NUAK1: variants seen among roughly 807,000 people sequenced by gnomAD.
The protein encoded by NUAK1 is NUAK family SNF1-like kinase 1.
In NUAK1, 26 loss-of-function variants were observed where a neutral mutation model predicts 56.9. That is an observed-to-expected ratio of 0.46 (90% CI 0.33 to 0.63). NUAK1 has a LOEUF of 0.63. Among genes scored for constraint, NUAK1 ranks in the 30% least tolerant of loss-of-function variants. The probability of loss-of-function intolerance (pLI) is 0.02; values close to 1 mark genes in which losing one functional copy is unlikely to be tolerated. For missense variants in NUAK1, 727 were observed against 876.1 expected, an observed-to-expected ratio of 0.83 and a Z score of 2.15; for synonymous variants, 337 against 336.0, an observed-to-expected ratio of 1.00 and a Z score of -0.03.
chr12:106,122,030 CCT>C (rs1488285008), intron 1 of NUAK1, among the ~76,000 whole-genome samples: 2 of 152,118 alleles, frequency 1.3e-5, no homozygotes, highest in African/African-American at 4.8e-5. Context: ...TTTGCCTGTG[CCT>C]CTGTCTCCTC....
At chr12:106,089,648 G>T (rs1258439709) in intron 2 of NUAK1, among the ~76,000 whole-genome samples, 2 of 152,156 alleles carry the variant, frequency 1.3e-5, no homozygotes, top group Admixed American at 1.3e-4. Context: ...AATTAGCCGG[G>T]TGTGGTGGCA....
chr12:106,079,607 G>C, intron 4 of NUAK1, among the ~76,000 whole-genome samples: 1 of 152,194 alleles, frequency 6.6e-6, no homozygotes, highest in Non-Finnish European at 1.5e-5. Context: ...GAGAGAGCTT[G>C]GTGGATGACA....
chr12:106,113,246 T>C (rs2032883089), intron 1 of NUAK1, among the ~76,000 whole-genome samples: 2 of 152,148 alleles, frequency 1.3e-5, no homozygotes, highest in Admixed American at 6.5e-5. Flanking sequence ...CTGTTGAGGT[T>C]TGTAAACATA....
chr12:106,110,579 T>C (rs970069501), intron 1 of NUAK1, among the ~76,000 whole-genome samples: 35 of 152,272 alleles, frequency 2.3e-4, no homozygotes, highest in African/African-American at 8.4e-4. Flanking sequence ...GATTACCAAA[T>C]GTCTGAAATC....
chr12:106,137,926 G>A (rs1012939778), intron 1 of NUAK1, among the ~76,000 whole-genome samples: 1 of 152,268 alleles, frequency 6.6e-6, no homozygotes, highest in Non-Finnish European at 1.5e-5. Flanking sequence ...CAGAGTCTGA[G>A]TGGGAGGATG....
intron 4 of NUAK1, among the ~76,000 whole-genome samples, chr12:106,079,811 C>T (rs756632091): frequency 1.3e-5 from 2 of 152,216 alleles, no homozygotes; most frequent in Non-Finnish European, 2.9e-5. Flanking sequence ...TCACTGACTT[C>T]TGTATCCTCC....
At chr12:106,108,900 G>A (rs1050837499) in intron 1 of NUAK1, among the ~76,000 whole-genome samples, 1 of 152,172 alleles carries the variant, frequency 6.6e-6, no homozygotes, top group Non-Finnish European at 1.5e-5. Context: ...TCAGCTGGGT[G>A]TGAAAAGGAA....
chr12:106,138,866 C>T lies in NUAK1; in HGVS notation c.-213G>A. ...CGGCGCGCACGGTCCGCGCACCGCC[C>T]CCCGGCCGCGGCGAGCTGTGGAGCG... On this transcript the variant is annotated 5_prime_UTR_variant, in exon 1 of 7. Coordinates refer to ENST00000261402, the MANE Select transcript of NUAK1 (RefSeq NM_014840.3). This position sits in a 1 kb window ranked among gnomAD's most constrained non-coding sequence, Gnocchi z 5.0. 1.8e-6 allele frequency: 1 copy of T among 542,700 alleles called. No individual in the cohort carries two copies. The highest frequency in any genetic ancestry group is 2.8e-6 in the Non-Finnish European group (1 of 355,998). The allele number at this position is 542,700 out of a possible 1,614,324, so 33.6% of individuals were successfully genotyped here.
At chr12:106,093,617 G>A (rs547144519) in intron 2 of NUAK1, among the ~76,000 whole-genome samples, 1 of 152,264 alleles carries the variant, frequency 6.6e-6, no homozygotes, top group South Asian at 2.1e-4. Context: ...GGAGATCCTG[G>A]GATTTTAAGC....
chr12:106,126,792 C>T (rs968607472), intron 1 of NUAK1, among the ~76,000 whole-genome samples: 4 of 152,178 alleles, frequency 2.6e-5, no homozygotes, highest in African/African-American at 9.7e-5. Flanking sequence ...CCAAGCTCTC[C>T]TGGGTGCTCA....
chr12:106,112,019 G>A (rs1388175963), intron 1 of NUAK1, among the ~76,000 whole-genome samples: 1 of 151,348 alleles, frequency 6.6e-6, no homozygotes, highest in East Asian at 2.0e-4. Flanking sequence ...ATCTCCTGTA[G>A]GATCCGAAAG....
intron 1 of NUAK1, among the ~76,000 whole-genome samples, chr12:106,111,825 C>A (rs1320569504): frequency 6.6e-6 from 1 of 150,856 alleles, no homozygotes; most frequent in East Asian, 2.0e-4. Flanking sequence ...CTCATTTAAG[C>A]CTACCTACAA....
At chr12:106,120,833 C>T (rs2032966850) in intron 1 of NUAK1, among the ~76,000 whole-genome samples, 1 of 152,150 alleles carries the variant, frequency 6.6e-6, no homozygotes, top group Admixed American at 6.5e-5. Context: ...GAGGAGGGGG[C>T]TCACCTTCCT....
chr12:106,124,718 T>C (rs559821936), intron 1 of NUAK1, among the ~76,000 whole-genome samples: 3 of 152,174 alleles, frequency 2.0e-5, no homozygotes, highest in African/African-American at 7.2e-5. Context: ...TCAATAAATA[T>C]CTGTTAAATG....
At chr12:106,115,586 T>C (rs2136476789) in intron 1 of NUAK1, among the ~76,000 whole-genome samples, 1 of 152,248 alleles carries the variant, frequency 6.6e-6, no homozygotes, top group Admixed American at 6.5e-5. Context: ...ATTCCTAGAG[T>C]TAAAAGGCTG....
chr12:106,137,029 GCCA>G, intron 1 of NUAK1, among the ~76,000 whole-genome samples: 1 of 151,686 alleles, frequency 6.6e-6, no homozygotes, highest in Non-Finnish European at 1.5e-5. Flanking sequence ...AGAAATGTAC[GCCA>G]TCTCAAATTT....
At chr12:106,088,261 T>A (rs1202735125) in intron 2 of NUAK1, among the ~76,000 whole-genome samples, 2 of 152,206 alleles carry the variant, frequency 1.3e-5, no homozygotes, top group Non-Finnish European at 2.9e-5. Context: ...TTAAGGGATA[T>A]AGTACAAAAA....
intron 1 of NUAK1, among the ~76,000 whole-genome samples, chr12:106,128,447 A>T (rs1475023825): frequency 1.3e-5 from 2 of 152,042 alleles, no homozygotes; most frequent in Non-Finnish European, 2.9e-5. Flanking sequence ...TTTGATGTAT[A>T]GATTGGACGG....
At chr12:106,068,016 T>C in intron 6 of NUAK1, 61 bp from the exon 7 acceptor site, 1 of 1,510,582 alleles carries the variant, frequency 6.6e-7, no homozygotes, top group Non-Finnish European at 9.0e-7. Context: ...TTTGTGATAG[T>C]GGGACCCTCC....
Sources: gnomAD v4.1 joint callset for allele counts (sites outside exome capture counted in the v4.1 genomes callset) on GRCh38, gnomAD v4.1.1 for gene constraint, Gnocchi (gnomAD v3.1) non-coding constraint, MANE v1.5 for transcripts, NCBI Gene and HGNC (gene_info 2026-07-23, HGNC 2026-07-21) for gene names.